The following SNX25 variants were observed in gnomAD, a reference collection of about 807,000 sequenced individuals.
The protein encoded by SNX25 is sorting nexin 25, also known as sorting nexin-25.
In SNX25, 62 loss-of-function variants were observed where a neutral mutation model predicts 113.7. The observed-to-expected ratio is 0.55, with a 90% CI of 0.44 to 0.67. The LOEUF (loss-of-function observed/expected upper bound fraction) is 0.67. SNX25 is among the 30% of genes least tolerant of loss of function. The probability of loss-of-function intolerance (pLI) is 0.00; values close to 1 mark genes in which losing one functional copy is unlikely to be tolerated. For synonymous variants in SNX25, 421 were observed against 436.2 expected (o/e 0.97, Z 0.43); for missense variants, 1,014 against 1,161.0 (o/e 0.87, Z 1.84).
At chr4:185,330,027 TGAAAG>T (rs1236960804) in intron 9 of SNX25, among the ~76,000 whole-genome samples, 4 of 152,010 alleles carry the variant, frequency 2.6e-5, no homozygotes, top group African/African-American at 9.7e-5. Context: ...TAAGAGTTAA[TGAAAG>T]GAAAGAAGCA....
In SNX25 at chr4:185,311,580, A is replaced by C. The variant is rs574769339; in HGVS notation, c.1344+764A>C. Among the ~76,000 whole-genome samples the C allele has an allele frequency of 6.6e-5, 10 of 152,316 alleles. No homozygotes were observed. The South Asian group carries it at 1.9e-3, about 28-fold the overall frequency. ...GTGCCGTGGAAGGAACAGGACCTCA[A>C]AGCAGATGCCAGACTCCTCTCTGTA... On this transcript the variant is annotated intron_variant, in intron 7 of 18. Coordinates refer to ENST00000652585, the MANE Select transcript of SNX25 (RefSeq NM_001378034.2).
In SNX25 at chr4:185,320,768, C is replaced by G; in HGVS notation, c.1380C>G (p.Phe460Leu). Residue 460 changes from phenylalanine to leucine, a missense_variant, in exon 8 of 19, where the codon TTC (phenylalanine) becomes TTG (leucine). Physicochemically the swap from Phe to Leu is conservative, Grantham distance 22. Transcript: ENST00000652585. ...TTGAAGATATCTTGGCCAATACGTT[C>G]TACCGAGAGCACTTTGGAATGTACA... ...LQFEDILANTFYREHFGMYME... is the reference protein window; with the variant it reads ...LQFEDILANTLYREHFGMYME... 5.7e-6 allele frequency: 9 copies of G among 1,588,326 alleles called. No homozygotes were observed. The highest frequency in any genetic ancestry group is 7.7e-6 in the Non-Finnish European group (9 of 1,169,666).
intron 5 of SNX25, among the ~76,000 whole-genome samples, chr4:185,269,581 A>G (rs920287736): frequency 6.6e-5 from 10 of 152,344 alleles, no homozygotes; most frequent in African/African-American, 2.2e-4. Context: ...TAGAGTCAAT[A>G]GTGGCAGATT....
At chr4:185,361,154 C>T (rs1041302974) in intron 16 of SNX25, among the ~76,000 whole-genome samples, 17 of 152,034 alleles carry the variant, frequency 1.1e-4, no homozygotes, top group African/African-American at 3.6e-4. Flanking sequence ...CATCTGGATC[C>T]GAGTATCCTG....
the SNX25 span, chr4:185,376,824 A>C: frequency 1.1e-6 from 1 of 888,678 alleles, no homozygotes; most frequent in Non-Finnish European, 1.8e-6. Flanking sequence ...AGTATAACAC[A>C]GTAAGAAACT....
intron 13 of SNX25, among the ~76,000 whole-genome samples, chr4:185,349,123 A>C (rs958662107): frequency 1.3e-5 from 2 of 152,168 alleles, no homozygotes; most frequent in Non-Finnish European, 2.9e-5. Context: ...TGGAAGAAGA[A>C]GGATTGTCTT....
At chr4:185,262,455 G>A (rs1043255995) in intron 3 of SNX25, among the ~76,000 whole-genome samples, 2 of 152,184 alleles carry the variant, frequency 1.3e-5, no homozygotes, top group African/African-American at 4.8e-5. Context: ...AAAAAAGAAT[G>A]TTTTTATTCG....
intron 12 of SNX25, 139 bp downstream of exon 12, chr4:185,342,255 AT>A: frequency 9.9e-7 from 1 of 1,005,692 alleles, no homozygotes; most frequent in Non-Finnish European, 1.4e-6. Flanking sequence ...ACATTTGGAA[AT>A]TTACTCATAG....
chr4:185,274,207 C>T (rs1749335556), intron 5 of SNX25, among the ~76,000 whole-genome samples: 2 of 151,948 alleles, frequency 1.3e-5, no homozygotes, highest in African/African-American at 4.8e-5. Context: ...ACTACAGGTG[C>T]GCCCCACCAC....
At chr4:185,356,064 A>G (rs991676814) in intron 15 of SNX25, among the ~76,000 whole-genome samples, 3 of 152,160 alleles carry the variant, frequency 2.0e-5, no homozygotes, top group Non-Finnish European at 1.5e-5. Context: ...GATGTGATCT[A>G]TTCGTCGTCA....
At chr4:185,246,470 T>A (rs1018767975) in intron 1 of SNX25, among the ~76,000 whole-genome samples, 1 of 152,218 alleles carries the variant, frequency 6.6e-6, no homozygotes, top group African/African-American at 2.4e-5. Context: ...CTAATTTGCA[T>A]TCCTCTAATA....
chr4:185,272,929 C>T (rs1239247191), intron 5 of SNX25, among the ~76,000 whole-genome samples: 1 of 152,148 alleles, frequency 6.6e-6, no homozygotes. Flanking sequence ...CTAGATAATT[C>T]TTTATTGTGG....
At chr4:185,326,054 T>A (rs1038922584) in intron 9 of SNX25, among the ~76,000 whole-genome samples, 1 of 152,224 alleles carries the variant, frequency 6.6e-6, no homozygotes, top group African/African-American at 2.4e-5. Flanking sequence ...TTAAGAATAC[T>A]CAGAGATGGT....
At chr4:185,238,777 A>C (rs918626995) in intron 1 of SNX25, among the ~76,000 whole-genome samples, 3 of 152,232 alleles carry the variant, frequency 2.0e-5, no homozygotes, top group Non-Finnish European at 2.9e-5. Flanking sequence ...AGCACCAAAA[A>C]TACATCAAAC....
chr4:185,278,577 G>A (rs558939908), intron 5 of SNX25, among the ~76,000 whole-genome samples: 2 of 152,234 alleles, frequency 1.3e-5, no homozygotes, highest in South Asian at 2.1e-4. Context: ...AGCAGTTGCC[G>A]GGAGAAGGTA....
At chr4:185,248,902 C>A (rs1349704471) in intron 2 of SNX25, among the ~76,000 whole-genome samples, 1 of 152,168 alleles carries the variant, frequency 6.6e-6, no homozygotes, top group Non-Finnish European at 1.5e-5. Flanking sequence ...GGAAATGGAA[C>A]CATACAGTGT....
chr4:185,299,931 C>G (rs529940061), intron 6 of SNX25, among the ~76,000 whole-genome samples: 10 of 152,152 alleles, frequency 6.6e-5, no homozygotes, highest in Non-Finnish European at 1.3e-4. Flanking sequence ...AAATAGTACA[C>G]ACTTGGGAGT....
At chr4:185,354,188 T>A (rs2095329159) in intron 15 of SNX25, among the ~76,000 whole-genome samples, 1 of 152,260 alleles carries the variant, frequency 6.6e-6, no homozygotes, top group South Asian at 2.1e-4. Context: ...TCCTTCACGT[T>A]GCTTTTTATG....
intron 1 of SNX25, among the ~76,000 whole-genome samples, chr4:185,229,104 G>A (rs1003443274): frequency 6.6e-6 from 1 of 152,236 alleles, no homozygotes; most frequent in African/African-American, 2.4e-5. Flanking sequence ...AACGCCCGCG[G>A]TGTGGTTGTG....
Sources: gnomAD v4.1 joint callset for allele counts (sites outside exome capture counted in the v4.1 genomes callset) on GRCh38, gnomAD v4.1.1 for gene constraint, MANE v1.5 for transcripts, NCBI Gene and HGNC (gene_info 2026-07-23, HGNC 2026-07-21) for gene names.